VWA3B: variants seen among roughly 807,000 people sequenced by gnomAD.
VWA3B encodes von Willebrand factor A domain-containing protein 3B.
Under a neutral mutation model 158.3 loss-of-function variants are expected in VWA3B, and 138 were observed. The ratio of observed to expected loss-of-function variants is 0.87; its 90% confidence interval spans 0.76 to 1.00. The LOEUF (loss-of-function observed/expected upper bound fraction) is 1.00, where lower values mean the gene tolerates loss of function less well. Ranked by LOEUF, VWA3B falls within the 50% of genes least tolerant of loss-of-function variation. The pLI, the probability that VWA3B is intolerant of heterozygous loss-of-function variation, is 0.00. For synonymous variants in VWA3B, 596 were observed against 587.3 expected (o/e 1.01, Z -0.21); for missense variants, 1,555 against 1,565.1 (o/e 0.99, Z 0.11).
intron 24 of VWA3B, 128 bp downstream of exon 24, chr2:98,298,159 G>C (rs552705535): frequency 2.5e-5 from 31 of 1,246,718 alleles, no homozygotes; most frequent in Admixed American, 6.2e-5. Flanking sequence ...GGGTGTGTTT[G>C]GGCAGGAAGA....
chr2:98,216,982 A>ACCACC (rs1553417707), intron 13 of VWA3B: 16 of 1,237,158 alleles, frequency 1.3e-5, no homozygotes, highest in African/African-American at 6.6e-5. Flanking sequence ...CATTGTAAGC[A>ACCACC]CCCGCCCCGC....
At chr2:98,324,640 A>G in the VWA3B span, among the ~76,000 whole-genome samples, 1 of 152,234 alleles carries the variant, frequency 6.6e-6, no homozygotes, top group Non-Finnish European at 1.5e-5. Context: ...AACAGAATTC[A>G]GAGTCTCTAC....
intron 21 of VWA3B, among the ~76,000 whole-genome samples, chr2:98,256,911 A>G (rs999749152): frequency 3.3e-5 from 5 of 152,300 alleles, no homozygotes; most frequent in Non-Finnish European, 5.9e-5. Context: ...TAGACTATCT[A>G]TCACCTCAAA....
chr2:98,298,415 T>TGCCA (rs1689957953), intron 24 of VWA3B, among the ~76,000 whole-genome samples: 1 of 151,082 alleles, frequency 6.6e-6, no homozygotes, highest in Non-Finnish European at 1.5e-5. Context: ...TTCTATTCTA[T>TGCCA]TCTATTCTAT....
intron 8 of VWA3B, 96 bp from the exon 9 acceptor site, chr2:98,180,920 A>C (rs1478822859): frequency 8.2e-7 from 1 of 1,215,738 alleles, no homozygotes; most frequent in Non-Finnish European, 1.1e-6. Context: ...CTTTGTGTCT[A>C]ATAAAGAACA....
intron 9 of VWA3B, among the ~76,000 whole-genome samples, chr2:98,187,664 C>CTGTGTG (rs3066239): frequency 0.01 from 1,422 of 141,778 alleles, 15 homozygotes; most frequent in South Asian, 0.012. Context: ...GTCTCTGTGT[C>CTGTGTG]TGTGTGTGTG....
rs1553417707 is a variant in VWA3B, at chr2:98,216,982, A to ACCAC, written c.1837-862_1837-861insACCC. On this transcript the variant is annotated intron_variant, in intron 13 of 27. Coordinates refer to ENST00000477737, the MANE Select transcript of VWA3B (RefSeq NM_144992.5). Reference sequence around the variant, plus strand: ...GACTGTCATGTGTATCATTGTAAGCACCCGCCCCGCACCCAGTCTCAGGTG... The same window carrying ACCAC: ...GACTGTCATGTGTATCATTGTAAGCACCACCCCGCCCCGCACCCAGTCTCAGGTG... 383 of 1,237,230 alleles carry ACCAC rather than the reference A, an allele frequency of 3.1e-4. 6 individuals are homozygous for ACCAC. The highest frequency in any genetic ancestry group is 1.4e-3 in the African/African-American group (85 of 60,826). 76.6% of individuals were successfully genotyped at this position (1,237,230 alleles called of 1,614,324 possible). A position where few individuals can be genotyped will look rare whatever the true frequency, so the allele number is the denominator to read the frequency against.
rs200761751 is a variant in VWA3B at position 98,121,467 on chromosome 2, G to C, written c.702+9G>C. 1 of 1,611,616 alleles carries C rather than the reference G, an allele frequency of 6.2e-7. No individual in the cohort carries two copies. The highest frequency in any genetic ancestry group is 1.3e-5 in the African/African-American group (1 of 74,892). On this transcript the variant is annotated intron_variant, in intron 5 of 27. Coordinates refer to ENST00000477737, the MANE Select transcript of VWA3B (RefSeq NM_144992.5). ...CCGGGAGAGACAAGACTGTAAGTGC[G>C]TGTTCATGGCTGGCCCCAGGCCATG... is the stretch of plus-strand genomic sequence containing the variant.
rs1558666363 is a variant in VWA3B, at chr2:98,200,545, A to ACCCCC, written c.1737+6053_1737+6054insCCCCC. On this transcript the variant is annotated intron_variant, in intron 12 of 27. Coordinates refer to ENST00000477737, the MANE Select transcript of VWA3B (RefSeq NM_144992.5). ...GTGATACAGCAAGACTCCATCTCAA[A>ACCCCC]AAAAAAAAAAAAAAAAGACTGACTT... 7.6e-3 allele frequency among the ~76,000 whole-genome samples: 666 copies of ACCCCC among 87,258 alleles called. 1 individual carries two copies. Among genetic ancestry groups the ACCCCC allele is most frequent in the Middle Eastern group, 0.026 (6 of 230 alleles). The allele number at this position is 87,258 out of a possible 152,430, so 57.2% of individuals were successfully genotyped here.
intron 21 of VWA3B, among the ~76,000 whole-genome samples, chr2:98,256,497 TA>T (rs1162011711): frequency 5.3e-5 from 8 of 152,146 alleles, no homozygotes; most frequent in Non-Finnish European, 1.0e-4. Context: ...CAGCTTTTCT[TA>T]GTTAATGTAA....
chr2:98,275,035 C>A (rs1050335566), intron 22 of VWA3B, among the ~76,000 whole-genome samples: 2 of 152,202 alleles, frequency 1.3e-5, no homozygotes, highest in African/African-American at 4.8e-5. Flanking sequence ...CTCTAACCGT[C>A]TGCCACGTGT....
At chr2:98,238,620 C>T (rs1685866094) in intron 19 of VWA3B, among the ~76,000 whole-genome samples, 1 of 151,238 alleles carries the variant, frequency 6.6e-6, no homozygotes, top group Non-Finnish European at 1.5e-5. Context: ...GCATAAAATC[C>T]AAGGAAGAAA....
intron 8 of VWA3B, among the ~76,000 whole-genome samples, chr2:98,178,277 A>T (rs1680183581): frequency 6.6e-6 from 1 of 152,172 alleles, no homozygotes; most frequent in Non-Finnish European, 1.5e-5. Flanking sequence ...TGCTGCTCTG[A>T]GGGGCTTTTG....
chr2:98,224,321 T>C (rs957922222), intron 14 of VWA3B, among the ~76,000 whole-genome samples: 1 of 152,174 alleles, frequency 6.6e-6, no homozygotes, highest in Non-Finnish European at 1.5e-5. Context: ...ATCCTTTTCT[T>C]CATGAGATTT....
chr2:98,091,344 A>G (rs184638476), intron 1 of VWA3B, among the ~76,000 whole-genome samples: 1 of 152,332 alleles, frequency 6.6e-6, no homozygotes, highest in Admixed American at 6.5e-5. Context: ...CGTGTTAATA[A>G]TGAGTAACTG....
chr2:98,317,233 T>A (rs1256961503), downstream of VWA3B, among the ~76,000 whole-genome samples: 1 of 152,234 alleles, frequency 6.6e-6, no homozygotes, highest in Non-Finnish European at 1.5e-5. Flanking sequence ...CCTGAGTTCA[T>A]GTATTACTAT....
At chr2:98,158,081 A>T (rs1243350397) in intron 7 of VWA3B, among the ~76,000 whole-genome samples, 1 of 152,130 alleles carries the variant, frequency 6.6e-6, no homozygotes, top group Non-Finnish European at 1.5e-5. Flanking sequence ...TGCTCAGATG[A>T]TCTGAGTCTC....
intron 13 of VWA3B, among the ~76,000 whole-genome samples, chr2:98,214,394 C>T (rs1047557213): frequency 2.6e-5 from 4 of 151,954 alleles, no homozygotes; most frequent in Admixed American, 2.0e-4. Flanking sequence ...AAAACTTGTA[C>T]CTTAAAGCTA....
Position 98,198,321 on chromosome 2 carries a change from TA to T in VWA3B, c.1737+3830del, listed in dbSNP as rs1191678643. ...GTTCATACTCTACAAGAAACAAATT[TA>T]TCAGCTATAGTGTTTGTATACAGCT... On this transcript the variant is annotated intron_variant, in intron 12 of 27. Coordinates refer to ENST00000477737, the MANE Select transcript of VWA3B (RefSeq NM_144992.5). Among the ~76,000 whole-genome samples the T allele has an allele frequency of 3.3e-5, 5 of 152,238 alleles. No homozygotes were observed. In the East Asian group the frequency reaches 9.6e-4, roughly 29 times the overall value.
Sources: gnomAD v4.1 joint callset for allele counts (sites outside exome capture counted in the v4.1 genomes callset) on GRCh38, gnomAD v4.1.1 for gene constraint, MANE v1.5 for transcripts, NCBI Gene and HGNC (gene_info 2026-07-23, HGNC 2026-07-21) for gene names.